FRMD4A: variants seen among roughly 807,000 people sequenced by gnomAD.
FRMD4A encodes the protein FERM domain-containing protein 4A.
In FRMD4A, 29 loss-of-function variants were observed where a neutral mutation model predicts 129.1. The ratio of observed to expected loss-of-function variants is 0.22; its 90% CI spans 0.17 to 0.31. FRMD4A has a LOEUF of 0.31. Among genes scored for constraint, FRMD4A ranks in the 10% least tolerant of loss-of-function variants. FRMD4A has a pLI of 1.00. For synonymous variants in FRMD4A, 634 were observed against 571.6 expected, an observed-to-expected ratio of 1.11 and a Z score of -1.56; for missense variants, 1,272 against 1,375.8, an observed-to-expected ratio of 0.92 and a Z score of 1.19.
At chr10:14,136,792 C>G (rs919326958) in intron 2 of FRMD4A, among the ~76,000 whole-genome samples, 10 of 152,120 alleles carry the variant, frequency 6.6e-5, no homozygotes, top group Non-Finnish European at 1.5e-4. Context: ...AAGCTGTACC[C>G]CGACCACCTT....
chr10:13,972,053 T>A (rs1407040326), intron 2 of FRMD4A: 1 of 1,155,156 alleles, frequency 8.7e-7, no homozygotes, highest in Non-Finnish European at 1.1e-6. Flanking sequence ...GTTTTCTCCT[T>A]GTCTCTGGGG....
intron 3 of FRMD4A, among the ~76,000 whole-genome samples, chr10:13,838,935 T>C (rs567083388): frequency 1.3e-5 from 2 of 151,554 alleles, no homozygotes; most frequent in Non-Finnish European, 2.9e-5. Flanking sequence ...CCAATGATGA[T>C]TAAGATAAAT....
intron 13 of FRMD4A, 88 bp downstream of exon 13, chr10:13,706,949 A>G (rs1424151181): frequency 2.7e-6 from 2 of 747,880 alleles, no homozygotes; most frequent in African/African-American, 3.4e-5. Context: ...CAAACTGACC[A>G]TGAACAACGA....
intron 2 of FRMD4A, among the ~76,000 whole-genome samples, chr10:14,152,114 GTGCT>G (rs1334907141): frequency 3.2e-5 from 4 of 124,604 alleles, no homozygotes; most frequent in Non-Finnish European, 6.6e-5. Context: ...TGTTTGTGTA[GTGCT>G]TTTTTTTTTT....
At chr10:14,192,707 G>T (rs1254175693) in intron 2 of FRMD4A, among the ~76,000 whole-genome samples, 2 of 152,190 alleles carry the variant, frequency 1.3e-5, no homozygotes, top group South Asian at 2.1e-4. Flanking sequence ...AGTGAACATG[G>T]TATTACCAAG....
chr10:14,081,155 C>G (rs1364949348), intron 2 of FRMD4A, among the ~76,000 whole-genome samples: 1 of 152,118 alleles, frequency 6.6e-6, no homozygotes, highest in Non-Finnish European at 1.5e-5. Context: ...CTCTCCATGA[C>G]TTATAAAACC....
intron 2 of FRMD4A, among the ~76,000 whole-genome samples, chr10:14,013,711 C>T (rs1171484898): frequency 6.6e-6 from 1 of 152,116 alleles, no homozygotes; most frequent in African/African-American, 2.4e-5. Flanking sequence ...GCAGGTGGAT[C>T]CCCTGAGGTC....
chr10:13,754,506 A>C (rs2091771635), intron 8 of FRMD4A, among the ~76,000 whole-genome samples: 1 of 151,980 alleles, frequency 6.6e-6, no homozygotes, highest in African/African-American at 2.4e-5. Context: ...TCTGCTCTTC[A>C]ATTACTCATG....
At chr10:14,056,987 T>G (rs1231365413) in intron 2 of FRMD4A, among the ~76,000 whole-genome samples, 1 of 152,206 alleles carries the variant, frequency 6.6e-6, no homozygotes, top group Non-Finnish European at 1.5e-5. Context: ...TGGCAGGCTA[T>G]GTTTTTCTCA....
At chr10:13,686,735 A>C (rs902300254) in intron 15 of FRMD4A, among the ~76,000 whole-genome samples, 1 of 152,094 alleles carries the variant, frequency 6.6e-6, no homozygotes, top group South Asian at 2.1e-4. Context: ...CCAAATTCCT[A>C]CTTGAAAACA....
In FRMD4A at chr10:13,644,254, C is replaced by G. The variant is rs2080979327; in HGVS notation, c.*2784G>C. 1 of 152,184 alleles carries G rather than the reference C, an allele frequency of 6.6e-6. No homozygotes were observed. The highest frequency in any genetic ancestry group is 1.5e-5 in the Non-Finnish European group (1 of 68,026). The allele number at this position is 152,184 out of a possible 1,614,324, so 9.4% of individuals were successfully genotyped here. On this transcript the variant is annotated 3_prime_UTR_variant, in exon 25 of 25. Coordinates refer to ENST00000357447, the MANE Select transcript of FRMD4A (RefSeq NM_018027.5). ...ACGCATCCGAAGAATCCAATAGGGG[C>G]TTTATATCAGACCAAGGACTTCGTA...
chr10:13,867,090 A>G (rs1589092240), intron 2 of FRMD4A, among the ~76,000 whole-genome samples: 1 of 152,066 alleles, frequency 6.6e-6, no homozygotes, highest in Admixed American at 6.6e-5. Flanking sequence ...GTAACAAAAA[A>G]CCCTAACACA....
At chr10:14,148,312 T>C (rs945286267) in intron 2 of FRMD4A, among the ~76,000 whole-genome samples, 10 of 152,246 alleles carry the variant, frequency 6.6e-5, no homozygotes, top group African/African-American at 2.2e-4. Context: ...TAATCTTTTT[T>C]ATAGAAACTA....
Position 13,654,230 on chromosome 10 carries a change from G to A in FRMD4A, c.3050+186C>T, listed in dbSNP as rs1040952725. 4.8e-6 allele frequency: 3 copies of A among 619,086 alleles called. No homozygotes were observed. The South Asian group carries it at 5.7e-5, about 12-fold the overall frequency. 38.3% of individuals were successfully genotyped at this position (619,086 alleles called of 1,614,324 possible). On this transcript the variant is annotated intron_variant, in intron 23 of 24. Transcript: ENST00000357447. ...AACACAGACAATTCACCTCTATAAA[G>A]GCACAGCCAGGAAAAGGAGTAGGCA... is the stretch of plus-strand genomic sequence containing the variant.
chr10:13,790,355 G>A (rs2092970685), intron 5 of FRMD4A, among the ~76,000 whole-genome samples: 1 of 152,232 alleles, frequency 6.6e-6, no homozygotes, highest in Non-Finnish European at 1.5e-5. Flanking sequence ...GCTCGGGAGA[G>A]AGGTCAGGAC....
In FRMD4A at chr10:13,957,560, C is replaced by T. The variant is rs908751527; in HGVS notation, c.46-98648G>A. Among the ~76,000 whole-genome samples the T allele has an allele frequency of 1.9e-4, 29 of 152,230 alleles. No individual in the cohort carries two copies. In the Middle Eastern group the frequency reaches 0.01, roughly 54 times the overall value. On this transcript the variant is annotated intron_variant, in intron 2 of 24. Coordinates refer to ENST00000357447, the MANE Select transcript of FRMD4A (RefSeq NM_018027.5). ...GTGAGCCACCACGCTCAGCCATACCCCTCCTTTTTGATTAGCACTTTATCA... is the reference window on the plus strand; with the variant it reads ...GTGAGCCACCACGCTCAGCCATACCTCTCCTTTTTGATTAGCACTTTATCA...
chr10:13,680,039 A>T (rs1011610604), intron 15 of FRMD4A, among the ~76,000 whole-genome samples: 1 of 152,270 alleles, frequency 6.6e-6, no homozygotes, highest in Non-Finnish European at 1.5e-5. Context: ...AAGCTACAAG[A>T]CAGGGAGAAA....
At chr10:13,928,151 G>A (rs2095154953) in intron 2 of FRMD4A, among the ~76,000 whole-genome samples, 2 of 151,702 alleles carry the variant, frequency 1.3e-5, no homozygotes, top group African/African-American at 4.8e-5. Context: ...CTCCCAAGTA[G>A]TTGGGACTAT....
intron 2 of FRMD4A, among the ~76,000 whole-genome samples, chr10:14,114,972 G>T (rs987301248): frequency 1.3e-5 from 2 of 152,290 alleles, no homozygotes; most frequent in East Asian, 3.9e-4. Context: ...GGAGGAGAAA[G>T]AATGGGATAG....
Sources: gnomAD v4.1 joint callset for allele counts (sites outside exome capture counted in the v4.1 genomes callset) on GRCh38, gnomAD v4.1.1 for gene constraint, MANE v1.5 for transcripts, NCBI Gene and HGNC (gene_info 2026-07-23, HGNC 2026-07-21) for gene names.